PAN3: variants seen among roughly 807,000 people sequenced by gnomAD.
The protein encoded by PAN3 is poly(A) specific ribonuclease subunit PAN3, also known as PAN2-PAN3 deadenylation complex subunit PAN3.
Under a neutral mutation model 96.2 loss-of-function variants are expected in PAN3, and 19 were observed. That is an observed-to-expected ratio of 0.20 (90% CI 0.14 to 0.29). The LOEUF (loss-of-function observed/expected upper bound fraction) is 0.29. Ranked by LOEUF, PAN3 falls within the 10% of genes least tolerant of loss-of-function variation. The pLI is 1.00. For missense variants in PAN3, 882 were observed against 1,108.1 expected (o/e 0.80, Z 2.90); for synonymous variants, 433 against 406.6 (o/e 1.06, Z -0.78).
chr13:28,193,572 A>G (rs1877560069), intron 4 of PAN3, among the ~76,000 whole-genome samples: 1 of 151,386 alleles, frequency 6.6e-6, no homozygotes, highest in African/African-American at 2.4e-5. Flanking sequence ...AGAGACTCCC[A>G]TCTCCACAAA....
At chr13:28,267,523 A>T in intron 12 of PAN3, 122 bp downstream of exon 12, 1 of 773,598 alleles carries the variant, frequency 1.3e-6, no homozygotes, top group South Asian at 1.8e-5. Flanking sequence ...AGACTCTATT[A>T]CATTTTGTAC....
intron 18 of PAN3, among the ~76,000 whole-genome samples, chr13:28,288,596 T>C (rs1869280208): frequency 6.6e-6 from 1 of 152,166 alleles, no homozygotes. Flanking sequence ...CTGGCCTTCA[T>C]GAATAATTTT....
chr13:28,168,641 C>T (rs1593397765), intron 1 of PAN3, among the ~76,000 whole-genome samples: 1 of 152,066 alleles, frequency 6.6e-6, no homozygotes, highest in East Asian at 1.9e-4. Context: ...ATTGCTTGAA[C>T]CCGGGAGGCG....
intron 9 of PAN3, among the ~76,000 whole-genome samples, chr13:28,265,206 G>T (rs185004273): frequency 7.9e-5 from 12 of 152,322 alleles, no homozygotes; most frequent in Admixed American, 5.9e-4. Flanking sequence ...TTTCACTTGT[G>T]TGTATTCTTC....
intron 5 of PAN3, among the ~76,000 whole-genome samples, chr13:28,210,916 T>G (rs1879950063): frequency 6.6e-6 from 1 of 151,998 alleles, no homozygotes; most frequent in Admixed American, 6.6e-5. Flanking sequence ...TCATCTTTAT[T>G]TTTTTTGAGA....
chr13:28,197,199 C>G lies in PAN3; in HGVS notation c.705C>G (p.Arg235=). The change falls in exon 5 of 19, where the codon CGC becomes CGG. Residue 235 remains arginine (R), a synonymous_variant. Transcript: ENST00000380958. ...CTTTTTCCTAGCCAAGGAAGTATCG[C>G]CTGGGGATGCTGGAGGAGAGGCTAG... ...ISQRRKPRKY[R]LGMLEERLVP... The G allele has an allele frequency of 6.2e-7, 1 of 1,612,668 alleles. No homozygotes were observed. Among genetic ancestry groups the G allele is most frequent in the Non-Finnish European group, 8.5e-7 (1 of 1,179,334 alleles).
intron 1 of PAN3, among the ~76,000 whole-genome samples, chr13:28,157,999 G>A (rs1872432018): frequency 6.6e-6 from 1 of 152,172 alleles, no homozygotes; most frequent in Non-Finnish European, 1.5e-5. Context: ...CAAAAACAGT[G>A]ACATAGACCA....
At chr13:28,165,780 T>TG (rs1873463011) in intron 1 of PAN3, among the ~76,000 whole-genome samples, 1 of 152,124 alleles carries the variant, frequency 6.6e-6, no homozygotes, top group Non-Finnish European at 1.5e-5. Flanking sequence ...GTTTGGTGTC[T>TG]GATGAGGGCT....
chr13:28,209,144 T>C (rs1335027427), intron 5 of PAN3, among the ~76,000 whole-genome samples: 1 of 152,218 alleles, frequency 6.6e-6, no homozygotes, highest in East Asian at 1.9e-4. Flanking sequence ...GTTGGTTTTT[T>C]TTACCCCAAA....
In PAN3 at chr13:28,146,359, T is replaced by C. The variant is rs112689906; in HGVS notation, c.430+7272T>C. On this transcript the variant is annotated intron_variant, in intron 1 of 18. Coordinates refer to ENST00000380958, the MANE Select transcript of PAN3 (RefSeq NM_175854.8). ...CTTGGGTTGCCAAAAGAAAATATTA[T>C]AGGCTGGGTAGTTAACTTCCCCCTG... is the stretch of plus-strand genomic sequence containing the variant. Among the ~76,000 whole-genome samples the C allele has an allele frequency of 5.1e-3, 779 of 151,738 alleles. 2 individuals are homozygous for C. Among genetic ancestry groups the C allele is most frequent in the Admixed American group, 7.2e-3 (110 of 15,194 alleles).
intron 4 of PAN3, among the ~76,000 whole-genome samples, chr13:28,189,520 AC>A (rs1486900438): frequency 7.0e-6 from 1 of 142,620 alleles, no homozygotes; most frequent in Non-Finnish European, 1.5e-5. Context: ...CCGTCTCAAA[AC>A]AAAAAAACAA....
In PAN3 at chr13:28,138,926, T is replaced by A; in HGVS notation, c.269T>A (p.Leu90Gln). 2.2e-6 allele frequency: 3 copies of A among 1,359,936 alleles called. No individual in the cohort carries two copies. Among genetic ancestry groups the A allele is most frequent in the Non-Finnish European group, 2.8e-6 (3 of 1,058,562 alleles). The allele number at this position is 1,359,936 out of a possible 1,614,324, so 84.2% of individuals were successfully genotyped here. Residue 90 changes from leucine (L) to glutamine (Q), a missense_variant, in exon 1 of 19, where the codon CTG becomes CAG. Around this residue, in one of 3 missense-constraint regions of PAN3, gnomAD observed 442 missense variants for 422.8 expected, o/e 1.05. Coordinates refer to ENST00000380958, the MANE Select transcript of PAN3 (RefSeq NM_175854.8). ...CATAGCAACAGCGTCCCCCTGGCTC[T>A]GGCTGGTGCACCCGTGGCCGGCTTT... ...GLHSNSVPLA[L>Q]AGAPVAGFPP... is the part of the protein sequence containing the mutation.
At position 28,165,993 on chromosome 13, in the gene PAN3, C is replaced by CG. The variant is rs1362620423; in HGVS notation, c.431-8273dup. Among the ~76,000 whole-genome samples, 5 of 152,108 alleles carry CG rather than the reference C, an allele frequency of 3.3e-5. No homozygotes were observed. The East Asian group carries it at 9.6e-4, about 29-fold the overall frequency. On this transcript the variant is annotated intron_variant, in intron 1 of 18. Transcript: ENST00000380958. ...TCAACACATGAATTTTGCAGGGGGT[C>CG]GGGGGGACATTCAGACCATTGCATT...
intron 5 of PAN3, chr13:28,215,240 T>G: frequency 1.4e-6 from 1 of 712,370 alleles, no homozygotes; most frequent in Non-Finnish European, 2.6e-6. Flanking sequence ...CTTGTCCAAC[T>G]GACAAGTCCT....
In PAN3 at chr13:28,142,511, A is replaced by ATTTTTTTTTTTTTTTT. The variant is rs74881179; in HGVS notation, c.430+3428_430+3443dup. ...TGTGAGGCAGTTAAAATAGATGGCAATTTTTTTTTTTTTTTTTTTGAGACA... is the reference window on the plus strand; with the variant it reads ...TGTGAGGCAGTTAAAATAGATGGCAATTTTTTTTTTTTTTTTTTTTTTTTTTTTTTTTTTTGAGACA... On this transcript the variant is annotated intron_variant, in intron 1 of 18. Coordinates refer to ENST00000380958, the MANE Select transcript of PAN3 (RefSeq NM_175854.8). Among the ~76,000 whole-genome samples, 150 of 126,638 alleles carry ATTTTTTTTTTTTTTTT rather than the reference A, an allele frequency of 1.2e-3. 3 individuals carry two copies. The highest frequency in any genetic ancestry group is 4.6e-3 in the African/African-American group (143 of 30,900). 83.1% of individuals were successfully genotyped at this position (126,638 alleles called of 152,430 possible). A position where few individuals can be genotyped will look rare whatever the true frequency, so the allele number is the denominator to read the frequency against.
chr13:28,277,514 C>A, intron 15 of PAN3, 138 bp downstream of exon 15: 2 of 830,134 alleles, frequency 2.4e-6, no homozygotes, highest in Non-Finnish European at 3.7e-6. Flanking sequence ...ATTTTTATTG[C>A]AAAGTAAATA....
At position 28,293,539 on chromosome 13, in the gene PAN3, A is replaced by G. The variant is rs1019726959; in HGVS notation, c.*1017A>G. ...GAACTAAACTCAGCAGTGGTCTGGT[A>G]TCAAGAGCTTTCTGATGTTTTACAG... On this transcript the variant is annotated 3_prime_UTR_variant, in exon 19 of 19. Coordinates refer to ENST00000380958, the MANE Select transcript of PAN3 (RefSeq NM_175854.8). The G allele has an allele frequency of 2.6e-5, 4 of 152,286 alleles. No homozygotes were observed. The highest frequency in any genetic ancestry group is 4.4e-5 in the Non-Finnish European group (3 of 68,008). The allele number at this position is 152,286 out of a possible 1,614,324, so 9.4% of individuals were successfully genotyped here.
intron 17 of PAN3, among the ~76,000 whole-genome samples, chr13:28,283,512 C>T (rs1487219882): frequency 1.3e-5 from 2 of 152,150 alleles, no homozygotes; most frequent in Non-Finnish European, 2.9e-5. Flanking sequence ...TTAGTTTCTT[C>T]TGTATTATTC....
At chr13:28,280,803 C>T (rs192030062) in intron 16 of PAN3, among the ~76,000 whole-genome samples, 3 of 152,042 alleles carry the variant, frequency 2.0e-5, no homozygotes, top group African/African-American at 2.4e-5. Flanking sequence ...TCAAGTGATC[C>T]GCCCGCCTCA....
Sources: allele counts gnomAD v4.1 joint callset (sites outside exome capture counted in the v4.1 genomes callset), GRCh38; gene constraint gnomAD v4.1.1; regional missense constraint gnomAD v4.1.1; transcripts MANE v1.5; gene names NCBI Gene and HGNC (gene_info 2026-07-23, HGNC 2026-07-21).